The following RALYL variants were observed in gnomAD, a reference collection of about 807,000 sequenced individuals.
The protein encoded by RALYL is RNA-binding Raly-like protein.
RALYL carries 29 observed loss-of-function variants against 35.1 expected under a neutral mutation model. The observed-to-expected ratio is 0.83, with a 90% CI of 0.61 to 1.13. The LOEUF (loss-of-function observed/expected upper bound fraction) is 1.13. Among genes scored for constraint, RALYL ranks in the 50% most tolerant of loss-of-function variants. The pLI, the probability that RALYL is intolerant of heterozygous loss-of-function variation, is 0.00. For missense variants in RALYL, 359 were observed against 360.4 expected (o/e 1.00, Z 0.03); for synonymous variants, 120 against 127.6 (o/e 0.94, Z 0.40).
intron 1 of RALYL, among the ~76,000 whole-genome samples, chr8:84,464,131 G>GTT (rs200511337): frequency 2.3e-5 from 3 of 132,564 alleles, no homozygotes; most frequent in Admixed American, 7.8e-5. Context: ...ATTAAAACAA[G>GTT]TTTTTTTTTT....
intron 3 of RALYL, among the ~76,000 whole-genome samples, chr8:84,793,978 G>C (rs1241433365): frequency 6.6e-6 from 1 of 152,160 alleles, no homozygotes; most frequent in Non-Finnish European, 1.5e-5. Flanking sequence ...CTATGACTTG[G>C]TCTGAATGAG....
chr8:84,698,319 T>C (rs1227845174), intron 2 of RALYL, among the ~76,000 whole-genome samples: 1 of 152,172 alleles, frequency 6.6e-6, no homozygotes, highest in Non-Finnish European at 1.5e-5. Context: ...ATTAGGGAAC[T>C]ATTTTAATTA....
At chr8:84,512,846 G>C (rs953907481) in intron 1 of RALYL, among the ~76,000 whole-genome samples, 3 of 152,064 alleles carry the variant, frequency 2.0e-5, no homozygotes, top group African/African-American at 7.2e-5. Context: ...TAAATATGTT[G>C]ATTTATTTCT....
chr8:84,522,249 A>AT (rs34104122), intron 1 of RALYL, among the ~76,000 whole-genome samples: 69,419 of 133,836 alleles, frequency 0.52, 18,347 homozygotes, highest in East Asian at 0.62. Context: ...TAGAAAGGAA[A>AT]TTTTTTTTTT....
intron 1 of RALYL, among the ~76,000 whole-genome samples, chr8:84,260,728 A>G (rs1359982776): frequency 6.6e-6 from 1 of 152,200 alleles, no homozygotes; most frequent in Non-Finnish European, 1.5e-5. Flanking sequence ...CTAGGAAAAC[A>G]GTAACATTCA....
At chr8:84,366,118 G>C (rs923206894) in intron 1 of RALYL, among the ~76,000 whole-genome samples, 1 of 152,178 alleles carries the variant, frequency 6.6e-6, no homozygotes, top group African/African-American at 2.4e-5. Flanking sequence ...GAGAGAGAGA[G>C]AGCAATTAAC....
At chr8:84,681,721 A>T (rs1835547533) in intron 2 of RALYL, among the ~76,000 whole-genome samples, 1 of 152,206 alleles carries the variant, frequency 6.6e-6, no homozygotes, top group South Asian at 2.1e-4. Context: ...GTTGCTTATC[A>T]GCTTAAGGAG....
chr8:84,373,015 T>A (rs777200156), intron 1 of RALYL, among the ~76,000 whole-genome samples: 1 of 151,190 alleles, frequency 6.6e-6, no homozygotes, highest in Non-Finnish European at 1.5e-5. Context: ...CTTTTTTTCA[T>A]ATGCTTGTTA....
chr8:84,310,946 C>T (rs1274111028), intron 1 of RALYL, among the ~76,000 whole-genome samples: 2 of 141,980 alleles, frequency 1.4e-5, no homozygotes, highest in South Asian at 4.4e-4. Context: ...ACTCGGGAGG[C>T]TGAGGCAGGA....
intron 1 of RALYL, among the ~76,000 whole-genome samples, chr8:84,501,908 A>G (rs2056708017): frequency 6.6e-6 from 1 of 151,256 alleles, no homozygotes; most frequent in Non-Finnish European, 1.5e-5. Flanking sequence ...CTATATTAAA[A>G]ATCATAGAAT....
chr8:84,309,786 G>A (rs570653378), intron 1 of RALYL, among the ~76,000 whole-genome samples: 1 of 152,154 alleles, frequency 6.6e-6, no homozygotes, highest in Non-Finnish European at 1.5e-5. Context: ...CTAAGTGGGT[G>A]TTTGTTTGTT....
At chr8:84,674,947 T>A (rs1833916491) in intron 2 of RALYL, among the ~76,000 whole-genome samples, 1 of 151,850 alleles carries the variant, frequency 6.6e-6, no homozygotes, top group Non-Finnish European at 1.5e-5. Context: ...AAAATTTGAT[T>A]ATAAGAAGAT....
chr8:84,338,837 T>C (rs535318468), intron 1 of RALYL, among the ~76,000 whole-genome samples: 15 of 152,256 alleles, frequency 9.9e-5, no homozygotes, highest in African/African-American at 3.6e-4. Flanking sequence ...TCTTATGCTT[T>C]TACAGAATAT....
At chr8:84,561,732 C>T (rs116408486) in intron 2 of RALYL, among the ~76,000 whole-genome samples, 4 of 151,928 alleles carry the variant, frequency 2.6e-5, no homozygotes, top group South Asian at 2.1e-4. Context: ...AAGAGACTAA[C>T]GGGCATGTAG....
intron 5 of RALYL, among the ~76,000 whole-genome samples, chr8:84,860,477 G>A (rs540258273): frequency 6.6e-6 from 1 of 152,166 alleles, no homozygotes; most frequent in Non-Finnish European, 1.5e-5. Flanking sequence ...CTGACTTAAG[G>A]TGCTCTGTGA....
chr8:84,283,819 G>C (rs1320957226), intron 1 of RALYL, among the ~76,000 whole-genome samples: 1 of 152,096 alleles, frequency 6.6e-6, no homozygotes. Context: ...GAATTTTCTG[G>C]GAGGTGGAGA....
At chr8:84,310,313 A>G (rs901796699) in intron 1 of RALYL, among the ~76,000 whole-genome samples, 7 of 152,036 alleles carry the variant, frequency 4.6e-5, no homozygotes, top group African/African-American at 9.7e-5. Context: ...TGCTGGGATT[A>G]CAGGCATGAG....
At chr8:84,437,880 C>T (rs553960115) in intron 1 of RALYL, among the ~76,000 whole-genome samples, 1 of 152,198 alleles carries the variant, frequency 6.6e-6, no homozygotes, top group African/African-American at 2.4e-5. Flanking sequence ...CAGAGGCCTC[C>T]CTAGAAACCA....
At chr8:84,783,606 G>A (rs931817912) in intron 3 of RALYL, among the ~76,000 whole-genome samples, 4 of 152,094 alleles carry the variant, frequency 2.6e-5, no homozygotes, top group Admixed American at 6.6e-5. Context: ...ATGAAAGGAG[G>A]TAGTTCTGCA....
Sources: gnomAD v4.1 joint callset for allele counts (sites outside exome capture counted in the v4.1 genomes callset) on GRCh38, gnomAD v4.1.1 for gene constraint, MANE v1.5 for transcripts, NCBI Gene and HGNC (gene_info 2026-07-23, HGNC 2026-07-21) for gene names.